The following CLYBL variants were observed in gnomAD, a reference collection of about 807,000 sequenced individuals.
The protein encoded by CLYBL is citramalyl-CoA lyase.
In CLYBL, 31 loss-of-function variants were observed where a neutral mutation model predicts 38.9. The observed-to-expected ratio is 0.80, with a 90% CI of 0.60 to 1.08. CLYBL has a LOEUF of 1.08. Among genes scored for constraint, CLYBL ranks in the 50% least tolerant of loss-of-function variants. The probability of loss-of-function intolerance (pLI) is 0.00; values close to 1 mark genes in which losing one functional copy is unlikely to be tolerated. For synonymous variants in CLYBL, 171 were observed against 158.6 expected, an observed-to-expected ratio of 1.08 and a Z score of -0.59; for missense variants, 434 against 411.6, an observed-to-expected ratio of 1.05 and a Z score of -0.47.
At chr13:99,679,304 A>AAAAAG (rs111539436) in intron 1 of CLYBL, among the ~76,000 whole-genome samples, 44,635 of 137,024 alleles carry the variant, frequency 0.33, 8,248 homozygotes, top group Middle Eastern at 0.45. Flanking sequence ...AAAAAAAAAA[A>AAAAAG]AAAAGAAAAG....
chr13:99,795,593 G>T (rs1051017074), intron 2 of CLYBL, among the ~76,000 whole-genome samples: 3 of 152,144 alleles, frequency 2.0e-5, no homozygotes, highest in African/African-American at 7.2e-5. Flanking sequence ...TGTTGAGACT[G>T]CAGTGGGCCA....
intron 1 of CLYBL, among the ~76,000 whole-genome samples, chr13:99,618,237 T>G (rs970936705): frequency 2.0e-5 from 3 of 152,200 alleles, no homozygotes; most frequent in Non-Finnish European, 1.5e-5. Context: ...TTTTTTTTCT[T>G]TATTTTGGTA....
intron 1 of CLYBL, among the ~76,000 whole-genome samples, chr13:99,763,204 T>G (rs1420092819): frequency 1.3e-5 from 2 of 152,220 alleles, no homozygotes; most frequent in African/African-American, 4.8e-5. Context: ...TCTAGTATTA[T>G]ATTAAATACA....
intron 1 of CLYBL, among the ~76,000 whole-genome samples, chr13:99,764,817 A>T (rs2049235547): frequency 6.6e-6 from 1 of 151,158 alleles, no homozygotes; most frequent in Non-Finnish European, 1.5e-5. Context: ...GTATCTGGGT[A>T]CTATAGGCAT....
intron 1 of CLYBL, among the ~76,000 whole-genome samples, chr13:99,724,576 A>G (rs1472119131): frequency 2.0e-5 from 3 of 151,970 alleles, no homozygotes; most frequent in Non-Finnish European, 4.4e-5. Flanking sequence ...GTCTTGGCAA[A>G]ACTTTCTGGT....
intron 7 of CLYBL, among the ~76,000 whole-genome samples, chr13:99,890,786 C>T (rs990521731): frequency 1.3e-5 from 2 of 152,062 alleles, no homozygotes; most frequent in Non-Finnish European, 2.9e-5. Context: ...TCACTCTAAT[C>T]GTCTTCTGTA....
chr13:99,711,678 T>C (rs928640650), intron 1 of CLYBL, among the ~76,000 whole-genome samples: 1 of 152,030 alleles, frequency 6.6e-6, no homozygotes, highest in Non-Finnish European at 1.5e-5. Flanking sequence ...AGTGCTGGGA[T>C]TACAGGCGTG....
chr13:99,819,416 T>TTTTATATATATATATA (rs2050529523), intron 2 of CLYBL, among the ~76,000 whole-genome samples: 1 of 18,382 alleles, frequency 5.4e-5, no homozygotes. Flanking sequence ...GGGAAAAAAT[T>TTTTATATATATATATA]TATATATATA....
rs576377637 is a variant in CLYBL at position 99,883,738 on chromosome 13, G to A, written c.928-7580G>A. ...ACCAGAGACACAAGGCTCCTGCAGAGCAAAGAAAACCGACTCCATGCACAC... is the reference window on the plus strand; with the variant it reads ...ACCAGAGACACAAGGCTCCTGCAGAACAAAGAAAACCGACTCCATGCACAC... On this transcript the variant is annotated intron_variant, in intron 7 of 8. Transcript: ENST00000339105. Among the ~76,000 whole-genome samples the A allele has an allele frequency of 5.9e-5, 9 of 152,112 alleles. No individual in the cohort carries two copies. In the East Asian group the frequency reaches 1.6e-3, roughly 26 times the overall value.
intron 7 of CLYBL, among the ~76,000 whole-genome samples, chr13:99,889,913 A>G (rs920920742): frequency 6.6e-6 from 1 of 152,140 alleles, no homozygotes; most frequent in Non-Finnish European, 1.5e-5. Context: ...GACCATCATC[A>G]ATGTGCATTA....
chr13:99,754,416 C>CAAAAA (rs1172376194), intron 1 of CLYBL, among the ~76,000 whole-genome samples: 10 of 71,876 alleles, frequency 1.4e-4, no homozygotes, highest in East Asian at 7.9e-4. Flanking sequence ...GACCCTGTCT[C>CAAAAA]AAAAAAAAAA....
intron 2 of CLYBL, among the ~76,000 whole-genome samples, chr13:99,843,923 T>C (rs1226928622): frequency 2.0e-5 from 3 of 152,174 alleles, no homozygotes; most frequent in African/African-American, 2.4e-5. Context: ...TCTTACTCCA[T>C]AGGGAATTGG....
chr13:99,697,157 C>T (rs2047992176), intron 1 of CLYBL, among the ~76,000 whole-genome samples: 1 of 151,992 alleles, frequency 6.6e-6, no homozygotes, highest in Non-Finnish European at 1.5e-5. Context: ...TTGGGAGAGC[C>T]CCTGAATTGT....
chr13:99,681,519 A>C (rs1418433739), intron 1 of CLYBL, among the ~76,000 whole-genome samples: 1 of 152,234 alleles, frequency 6.6e-6, no homozygotes, highest in Non-Finnish European at 1.5e-5. Flanking sequence ...ATGTGGCAGA[A>C]TGTTAGTGCT....
chr13:99,707,462 C>A (rs1376660276), intron 1 of CLYBL, among the ~76,000 whole-genome samples: 1 of 152,094 alleles, frequency 6.6e-6, no homozygotes, highest in East Asian at 1.9e-4. Context: ...TTAGTAGAGA[C>A]GGGATTTCAC....
exon 10 of CLYBL, among the ~76,000 whole-genome samples, chr13:99,909,214 C>T (rs1023695504): frequency 6.6e-6 from 1 of 152,316 alleles, no homozygotes; most frequent in South Asian, 2.1e-4. Flanking sequence ...CATTTAATCA[C>T]GAAGACTCTG....
At chr13:99,689,335 C>A (rs1010860024) in intron 1 of CLYBL, among the ~76,000 whole-genome samples, 1 of 152,184 alleles carries the variant, frequency 6.6e-6, no homozygotes, top group Non-Finnish European at 1.5e-5. Context: ...TACACATATA[C>A]CAGTTGTAGG....
At chr13:99,821,973 C>T (rs771943560) in intron 2 of CLYBL, among the ~76,000 whole-genome samples, 68 of 152,334 alleles carry the variant, frequency 4.5e-4, no homozygotes, top group Non-Finnish European at 3.4e-4. Flanking sequence ...CAGGCTTGCA[C>T]GTCTGGAACT....
At chr13:99,836,806 C>T (rs537559107) in intron 2 of CLYBL, among the ~76,000 whole-genome samples, 183 of 152,018 alleles carry the variant, frequency 1.2e-3, no homozygotes, top group Non-Finnish European at 2.2e-3. Flanking sequence ...AACCAAACAC[C>T]GCATGTTCTC....
Sources: allele counts gnomAD v4.1 joint callset (sites outside exome capture counted in the v4.1 genomes callset), GRCh38; gene constraint gnomAD v4.1.1; transcripts MANE v1.5; gene names NCBI Gene and HGNC (gene_info 2026-07-23, HGNC 2026-07-21).